HMMR: variants seen among roughly 807,000 people sequenced by gnomAD.
HMMR encodes hyaluronan mediated motility receptor.
In HMMR, 108 loss-of-function variants were observed where a neutral mutation model predicts 101.0. The observed-to-expected ratio is 1.07, with a 90% CI of 0.92 to 1.25. The LOEUF is 1.25. Ranked by LOEUF, HMMR falls within the 50% of genes most tolerant of loss-of-function variation. The pLI, the probability that HMMR is intolerant of heterozygous loss-of-function variation, is 0.00. For synonymous variants in HMMR, 296 were observed against 276.4 expected, an observed-to-expected ratio of 1.07 and a Z score of -0.70; for missense variants, 813 against 788.7, an observed-to-expected ratio of 1.03 and a Z score of -0.37.
In HMMR at chr5:163,473,521, C is replaced by T; in HGVS notation, c.868C>T (p.Leu290=). 6.3e-7 allele frequency: 1 copy of T among 1,581,844 alleles called. No individual in the cohort carries two copies. Among genetic ancestry groups the T allele is most frequent in the Non-Finnish European group, 8.6e-7 (1 of 1,162,154 alleles). Residue 290 remains leucine (L), a synonymous_variant, in exon 9 of 18, where the codon CTA becomes TTA. Coordinates refer to ENST00000393915, the MANE Select transcript of HMMR (RefSeq NM_001142556.2). ...TATATTATCTAAACAAGTAGAAGAT[C>T]TAAATGTGAAATGTCAGCTGCTTGA... ...IVILSKQVED[L]NVKCQLLEKE...
chr5:163,469,829 G>C lies in HMMR; in HGVS notation c.462G>C (p.Lys154Asn). 2 of 1,568,026 alleles carry C rather than the reference G, an allele frequency of 1.3e-6. No individual in the cohort carries two copies. Among genetic ancestry groups the C allele is most frequent in the Non-Finnish European group, 1.7e-6 (2 of 1,145,352 alleles). ...LTRTNELLKS[K>N]FSENGNQKNL... ...GGACTAATGAACTACTAAAATCTAA[G>C]GTATCTGAGCCTCATGATAATATTT... Residue 154 changes from lysine (K) to asparagine (N), a missense_variant and splice_region_variant, in exon 5 of 18, where the codon AAG (lysine) becomes AAC (asparagine). Physicochemically the swap from Lys to Asn is moderately conservative, Grantham distance 94. Coordinates refer to ENST00000393915, the MANE Select transcript of HMMR (RefSeq NM_001142556.2).
At position 163,467,707 on chromosome 5, in the gene HMMR, T is replaced by A; in HGVS notation, c.232T>A (p.Ser78Thr). Residue 78 changes from serine to threonine, a missense_variant, in exon 4 of 18, where the codon TCT (serine) becomes ACT (threonine). Physicochemically the swap from Ser to Thr is moderately conservative, Grantham distance 58 (BLOSUM62 1). Coordinates refer to ENST00000393915, the MANE Select transcript of HMMR (RefSeq NM_001142556.2). ...TTTTTTGGCTTTTAAACAGAAGGAATCTCAAAAGAATGATAAAGATTTGAA... is the reference window on the plus strand; with the variant it reads ...TTTTTTGGCTTTTAAACAGAAGGAAACTCAAAAGAATGATAAAGATTTGAA... ...KVKSSESKKESQKNDKDLKIL... is the reference protein window; with the variant it reads ...KVKSSESKKETQKNDKDLKIL... 1 of 1,533,642 alleles carries A rather than the reference T, an allele frequency of 6.5e-7. No individual in the cohort carries two copies. Among genetic ancestry groups the A allele is most frequent in the Non-Finnish European group, 9.0e-7 (1 of 1,110,706 alleles).
chr5:163,473,158 CA>C lies in HMMR; in HGVS notation c.651-20del. The C allele has an allele frequency of 8.2e-7, 1 of 1,213,462 alleles. No homozygotes were observed. The highest frequency in any genetic ancestry group is 1.2e-5 in the South Asian group (1 of 80,286). The allele number at this position is 1,213,462 out of a possible 1,614,324, so 75.2% of individuals were successfully genotyped here. A position where few individuals can be genotyped will look rare whatever the true frequency, so the allele number is the denominator to read the frequency against. On this transcript the variant is annotated intron_variant, in intron 7 of 17. Coordinates refer to ENST00000393915, the MANE Select transcript of HMMR (RefSeq NM_001142556.2). ...AAATAACGAAACTAGAATGTATTAA[CA>C]TATGCAATTTTTGTTTTAGTGTTTC...
At chr5:163,481,650 A>C (rs1759269960) in intron 12 of HMMR, among the ~76,000 whole-genome samples, 1 of 152,066 alleles carries the variant, frequency 6.6e-6, no homozygotes, top group African/African-American at 2.4e-5. Context: ...CATTCTGTAA[A>C]TCTTAGAGTC....
Position 163,484,054 on chromosome 5 carries a change from A to G in HMMR, c.1786-15A>G. On this transcript the variant is annotated splice_polypyrimidine_tract_variant and intron_variant, in intron 15 of 17. Transcript: ENST00000393915. Reference sequence around the variant, plus strand: ...CTGTTTTAAGTCTTAACTTTATTTAAAAAATCTTTTTCAGCTACAACTAGA... The same window carrying G: ...CTGTTTTAAGTCTTAACTTTATTTAGAAAATCTTTTTCAGCTACAACTAGA... 1 of 1,524,708 alleles carries G rather than the reference A, an allele frequency of 6.6e-7. No individual in the cohort carries two copies. Among genetic ancestry groups the G allele is most frequent in the Non-Finnish European group, 8.9e-7 (1 of 1,119,012 alleles). The allele number at this position is 1,524,708 out of a possible 1,614,324, so 94.4% of individuals were successfully genotyped here. A position where few individuals can be genotyped will look rare whatever the true frequency, so the allele number is the denominator to read the frequency against.
intron 3 of HMMR, among the ~76,000 whole-genome samples, chr5:163,466,802 CT>C (rs1485300253): frequency 6.6e-6 from 1 of 151,980 alleles, no homozygotes; most frequent in African/African-American, 2.4e-5. Flanking sequence ...AAGATTTTTA[CT>C]TTTTAAACAC....
At chr5:163,475,427 A>C in intron 10 of HMMR, 31 bp from the exon 11 acceptor site, 4 of 1,362,148 alleles carry the variant, frequency 2.9e-6, no homozygotes, top group Middle Eastern at 2.0e-4. Flanking sequence ...GCCATTCCAA[A>C]TTATTTTGGT....
In HMMR at chr5:163,491,241, G is replaced by A; in HGVS notation, c.*77G>A. The A allele has an allele frequency of 1.3e-6, 1 of 787,422 alleles. No homozygotes were observed. Among genetic ancestry groups the A allele is most frequent in the Non-Finnish European group, 2.1e-6 (1 of 484,906 alleles). 48.8% of individuals were successfully genotyped at this position (787,422 alleles called of 1,614,324 possible). A position where few individuals can be genotyped will look rare whatever the true frequency, so the allele number is the denominator to read the frequency against. ...GTTGCTGTTATTATATTTGACATGG[G>A]TATTTTATAATGTTGTATTTAATTT... On this transcript the variant is annotated 3_prime_UTR_variant, in exon 18 of 18. Coordinates refer to ENST00000393915, the MANE Select transcript of HMMR (RefSeq NM_001142556.2).
chr5:163,490,554 T>C lies in HMMR; in HGVS notation c.2125+2T>C. 1.3e-6 allele frequency: 2 copies of C among 1,584,182 alleles called. No individual in the cohort carries two copies. Among genetic ancestry groups the C allele is most frequent in the South Asian group, 1.2e-5 (1 of 86,034 alleles). ...CCCTGAAGACCCCATTAAAAGAAGG[T>C]AAGACATGAATAAATGTATAAAAGT... On this transcript the variant is annotated splice_donor_variant, in intron 17 of 17. Coordinates refer to ENST00000393915, the MANE Select transcript of HMMR (RefSeq NM_001142556.2). LOFTEE classifies it high-confidence loss of function.
intron 16 of HMMR, among the ~76,000 whole-genome samples, chr5:163,486,083 G>A (rs1272202720): frequency 6.6e-6 from 1 of 152,150 alleles, no homozygotes; most frequent in African/African-American, 2.4e-5. Context: ...GGAAGCGTGA[G>A]TCCTCTTTGT....
chr5:163,469,064 T>G (rs1340108900), intron 4 of HMMR, among the ~76,000 whole-genome samples: 1 of 152,264 alleles, frequency 6.6e-6, no homozygotes, highest in South Asian at 2.1e-4. Context: ...TGGAAATACC[T>G]TAAAAGTGAA....
chr5:163,491,353 C>T lies in HMMR; in HGVS notation c.*189C>T. On this transcript the variant is annotated 3_prime_UTR_variant, in exon 18 of 18. Transcript: ENST00000393915. ...TATTTTTTCTTGCAAATACCTCCTCCCTAATGCTCACCTTTATCACCTCAT... is the reference window on the plus strand; with the variant it reads ...TATTTTTTCTTGCAAATACCTCCTCTCTAATGCTCACCTTTATCACCTCAT... 2 of 484,920 alleles carry T rather than the reference C, an allele frequency of 4.1e-6. No individual in the cohort carries two copies. Among genetic ancestry groups the T allele is most frequent in the Non-Finnish European group, 7.2e-6 (2 of 277,132 alleles). 30.0% of individuals were successfully genotyped at this position (484,920 alleles called of 1,614,324 possible). A position where few individuals can be genotyped will look rare whatever the true frequency, so the allele number is the denominator to read the frequency against.
chr5:163,489,188 A>C (rs1410845029), intron 16 of HMMR: 3 of 152,372 alleles, frequency 2.0e-5, no homozygotes, highest in Non-Finnish European at 4.4e-5. Context: ...CTAATGCCGC[A>C]GCTGATCTGC....
intron 1 of HMMR, among the ~76,000 whole-genome samples, chr5:163,462,106 A>G (rs531620436): frequency 3.3e-5 from 5 of 152,336 alleles, no homozygotes; most frequent in South Asian, 2.1e-4. Context: ...AAAAGACTCA[A>G]GGACCATATG....
At chr5:163,486,822 T>C (rs1386211179) in intron 16 of HMMR, among the ~76,000 whole-genome samples, 1 of 152,384 alleles carries the variant, frequency 6.6e-6, no homozygotes, top group Admixed American at 6.5e-5. Flanking sequence ...CTTACGCCTA[T>C]AATCCCAGCA....
chr5:163,461,828 C>T (rs1486980039), intron 1 of HMMR, among the ~76,000 whole-genome samples: 1 of 151,916 alleles, frequency 6.6e-6, no homozygotes, highest in Non-Finnish European at 1.5e-5. Context: ...GCTACTAGAT[C>T]TTGTTTATTC....
At chr5:163,483,551 T>C (rs1759357249) in intron 15 of HMMR, among the ~76,000 whole-genome samples, 184 bp downstream of exon 15, 1 of 152,134 alleles carries the variant, frequency 6.6e-6, no homozygotes, top group South Asian at 2.1e-4. Flanking sequence ...TTTCCCACAT[T>C]ATTGAAGTAT....
chr5:163,460,889 A>T, intron 1 of HMMR, 151 bp downstream of exon 1: 1 of 706,088 alleles, frequency 1.4e-6, no homozygotes, highest in South Asian at 1.6e-5. Flanking sequence ...TGCTCTAAGC[A>T]TCTGTTACAT....
At chr5:163,461,590 C>G (rs1029904741) in intron 1 of HMMR, among the ~76,000 whole-genome samples, 6 of 151,642 alleles carry the variant, frequency 4.0e-5, no homozygotes, top group Non-Finnish European at 8.8e-5. Context: ...GTCAGGAGAT[C>G]GAGACCACCG....
Sources: gnomAD v4.1 joint callset for allele counts (sites outside exome capture counted in the v4.1 genomes callset) on GRCh38, gnomAD v4.1.1 for gene constraint, MANE v1.5 for transcripts, NCBI Gene and HGNC (gene_info 2026-07-23, HGNC 2026-07-21) for gene names.